The following OPRM1 variants were observed in gnomAD, a reference collection of about 807,000 sequenced individuals.
OPRM1 encodes opioid receptor mu 1, also known as mu-type opioid receptor.
Under a neutral mutation model 31.8 loss-of-function variants are expected in OPRM1, and 27 were observed. That is an observed-to-expected ratio of 0.85 (90% CI 0.63 to 1.17). OPRM1 has a LOEUF of 1.17. OPRM1 is among the 50% of genes most tolerant of loss of function. The pLI, the probability that OPRM1 is intolerant of heterozygous loss-of-function variation, is 0.00. For missense variants in OPRM1, 536 were observed against 511.1 expected, an observed-to-expected ratio of 1.05 and a Z score of -0.47; for synonymous variants, 196 against 189.9, an observed-to-expected ratio of 1.03 and a Z score of -0.26.
chr6:154,079,707 T>G (rs186726960), intron 1 of OPRM1, among the ~76,000 whole-genome samples: 4 of 152,326 alleles, frequency 2.6e-5, no homozygotes, highest in Admixed American at 2.6e-4. Context: ...ATTTATCTTT[T>G]TAATTAGTTT....
chr6:154,030,106 C>T (rs1364099372), intron 1 of OPRM1, among the ~76,000 whole-genome samples: 1 of 143,910 alleles, frequency 6.9e-6, no homozygotes, highest in Non-Finnish European at 1.5e-5. Context: ...TGGACTAACA[C>T]AATGGTCTAT....
intron 1 of OPRM1, among the ~76,000 whole-genome samples, chr6:154,088,936 T>A (rs1383870368): frequency 6.6e-6 from 1 of 152,164 alleles, no homozygotes; most frequent in Non-Finnish European, 1.5e-5. Context: ...CTGTCTAGAA[T>A]GACCTGCTCC....
Position 154,199,788 on chromosome 6 carries a change from C to T in OPRM1, c.1165-46905C>T, listed in dbSNP as rs765856773. Reference sequence around the variant, plus strand: ...TTCAAAAATCCACTTTCTGATGTGACAAAACTGTTTTCCAGGGCCTTGTGG... The same window carrying T: ...TTCAAAAATCCACTTTCTGATGTGATAAAACTGTTTTCCAGGGCCTTGTGG... On this transcript the variant is annotated intron_variant, in intron 3 of 3. Coordinates refer to the OPRM1 transcript ENST00000337049. 5.0e-6 allele frequency: 8 copies of T among 1,614,218 alleles called. No individual in the cohort carries two copies. The highest frequency in any genetic ancestry group is 6.8e-6 in the Non-Finnish European group (8 of 1,180,040).
intron 1 of OPRM1, among the ~76,000 whole-genome samples, chr6:154,043,287 C>T (rs1466496323): frequency 6.6e-6 from 1 of 152,070 alleles, no homozygotes; most frequent in Non-Finnish European, 1.5e-5. Flanking sequence ...CAGAGAAGAG[C>T]ATTTAAATAC....
chr6:154,014,060 G>A (rs529319176), intron 1 of OPRM1, among the ~76,000 whole-genome samples: 7 of 152,278 alleles, frequency 4.6e-5, no homozygotes, highest in South Asian at 2.1e-4. Context: ...CTACCATGGC[G>A]TGGATGCTAC....
chr6:154,047,820 C>G (rs1004550388), intron 1 of OPRM1, among the ~76,000 whole-genome samples: 1 of 152,120 alleles, frequency 6.6e-6, no homozygotes, highest in African/African-American at 2.4e-5. Flanking sequence ...AGTACCATAG[C>G]CTGGGTGGCT....
intron 3 of OPRM1, among the ~76,000 whole-genome samples, chr6:154,094,549 C>T (rs970360757): frequency 4.6e-5 from 7 of 152,178 alleles, no homozygotes; most frequent in Admixed American, 2.6e-4. Flanking sequence ...GGCAGCTGCC[C>T]GATGGGCGGG....
intron 1 of OPRM1, among the ~76,000 whole-genome samples, chr6:154,084,269 C>G (rs1391717817): frequency 1.3e-5 from 2 of 152,150 alleles, no homozygotes; most frequent in African/African-American, 4.8e-5. Context: ...GAGAAGTCCT[C>G]CATTCTCCCC....
intron 3 of OPRM1, among the ~76,000 whole-genome samples, chr6:154,162,333 C>T (rs901704497): frequency 1.3e-5 from 2 of 152,202 alleles, no homozygotes; most frequent in African/African-American, 4.8e-5. Context: ...AGCTAATGCT[C>T]TACTTTTTCC....
intron 3 of OPRM1, among the ~76,000 whole-genome samples, chr6:154,146,732 C>A (rs2128539932): frequency 6.6e-6 from 1 of 152,144 alleles, no homozygotes; most frequent in South Asian, 2.1e-4. Context: ...CCCCTGGGTA[C>A]CTTTATGAGC....
chr6:154,234,564 C>T (rs1164503337), intron 3 of OPRM1, among the ~76,000 whole-genome samples: 1 of 152,178 alleles, frequency 6.6e-6, no homozygotes, highest in African/African-American at 2.4e-5. Flanking sequence ...ACTATTCCCT[C>T]CTAAAAGTCA....
chr6:154,141,601 T>A (rs571109983), intron 3 of OPRM1, among the ~76,000 whole-genome samples: 1 of 152,280 alleles, frequency 6.6e-6, no homozygotes, highest in African/African-American at 2.4e-5. Flanking sequence ...AGAGCACAGT[T>A]TGGTTTTATA....
rs1416852376 is a variant in OPRM1 at position 154,099,346 on chromosome 6, A to AAC, written c.1164+7874_1164+7875insAC. 1.1e-4 allele frequency among the ~76,000 whole-genome samples: 8 copies of AAC among 70,716 alleles called. 1 individual carries two copies. In the South Asian group the frequency reaches 4.7e-3, roughly 42 times the overall value. The allele number at this position is 70,716 out of a possible 152,430, so 46.4% of individuals were successfully genotyped here. ...AAGGAAGGAAGGGAGGGAGGAAGAG[A>AAC]GCGAGAGAGAGAGAGAGAGAGAAAG... On this transcript the variant is annotated intron_variant, in intron 3 of 3. Transcript: ENST00000330432.
At chr6:154,032,381 T>C (rs1017576334) in intron 1 of OPRM1, among the ~76,000 whole-genome samples, 1 of 152,204 alleles carries the variant, frequency 6.6e-6, no homozygotes, top group South Asian at 2.1e-4. Context: ...TCACACCAAT[T>C]GCCTGTGATT....
intron 1 of OPRM1, among the ~76,000 whole-genome samples, chr6:154,069,527 G>A (rs1005584222): frequency 6.6e-5 from 10 of 152,146 alleles, no homozygotes; most frequent in African/African-American, 1.2e-4. Flanking sequence ...ATGAGCCACC[G>A]CGCCGAGCCC....
chr6:154,138,663 T>C (rs1193899040), intron 3 of OPRM1, among the ~76,000 whole-genome samples: 1 of 152,248 alleles, frequency 6.6e-6, no homozygotes, highest in Non-Finnish European at 1.5e-5. Context: ...TTCCTGGGCA[T>C]AGGCTGAACC....
chr6:154,213,580 A>G (rs1030618317), intron 3 of OPRM1, among the ~76,000 whole-genome samples: 7 of 152,224 alleles, frequency 4.6e-5, no homozygotes, highest in African/African-American at 7.2e-5. Flanking sequence ...ATCAGAAGAT[A>G]TAACTCCCTG....
chr6:154,022,828 C>A (rs979686461), intron 1 of OPRM1, among the ~76,000 whole-genome samples: 2 of 152,010 alleles, frequency 1.3e-5, no homozygotes, highest in African/African-American at 4.8e-5. Context: ...AATGTATGTT[C>A]TTGACACCTT....
At chr6:154,216,229 A>T (rs550786882) in intron 3 of OPRM1, among the ~76,000 whole-genome samples, 2 of 152,316 alleles carry the variant, frequency 1.3e-5, no homozygotes, top group African/African-American at 2.4e-5. Flanking sequence ...AAGAAAATGG[A>T]TAAATAAATT....
Sources: allele counts gnomAD v4.1 joint callset (sites outside exome capture counted in the v4.1 genomes callset), GRCh38; gene constraint gnomAD v4.1.1; transcripts MANE v1.5; gene names NCBI Gene and HGNC (gene_info 2026-07-23, HGNC 2026-07-21).